Variants in GPR158 observed in about 807,000 individuals in gnomAD.
GPR158 encodes the protein G protein-coupled receptor 158, also known as metabotropic glycine receptor.
Under a neutral mutation model 78.2 loss-of-function variants are expected in GPR158, and 30 were observed. That is an observed-to-expected ratio of 0.38 (90% CI 0.29 to 0.52). The LOEUF is 0.52. GPR158 is among the 20% of genes least tolerant of loss of function. The probability of loss-of-function intolerance (pLI) is 0.83; values close to 1 mark genes in which losing one functional copy is unlikely to be tolerated. For missense variants in GPR158, 1,463 were observed against 1,523.5 expected (o/e 0.96, Z 0.66); for synonymous variants, 581 against 591.1 (o/e 0.98, Z 0.25).
intron 2 of GPR158, among the ~76,000 whole-genome samples, chr10:25,351,814 A>G (rs1167647571): frequency 6.6e-6 from 1 of 150,440 alleles, no homozygotes; most frequent in Non-Finnish European, 1.5e-5. Context: ...AATGTGTGCC[A>G]TGGTGGTTTG....
At chr10:25,550,720 T>C (rs1393244383) in intron 5 of GPR158, among the ~76,000 whole-genome samples, 1 of 152,168 alleles carries the variant, frequency 6.6e-6, no homozygotes, top group Non-Finnish European at 1.5e-5. Flanking sequence ...CATTTAACAT[T>C]AGGTATATCT....
At chr10:25,212,229 A>T (rs567753250) in intron 1 of GPR158, among the ~76,000 whole-genome samples, 5 of 152,322 alleles carry the variant, frequency 3.3e-5, no homozygotes, top group Admixed American at 6.5e-5. Context: ...TGCAGGCTGT[A>T]CAGGAAGCAT....
intron 2 of GPR158, among the ~76,000 whole-genome samples, chr10:25,367,989 G>A (rs1833917671): frequency 6.6e-6 from 1 of 151,818 alleles, no homozygotes; most frequent in Admixed American, 6.6e-5. Context: ...CCTGGATCAT[G>A]GAAACTTCAA....
At chr10:25,381,203 G>A (rs1352593832) in intron 2 of GPR158, among the ~76,000 whole-genome samples, 1 of 152,122 alleles carries the variant, frequency 6.6e-6, no homozygotes, top group Non-Finnish European at 1.5e-5. Context: ...GTCTCATTCT[G>A]CAGAAAAGTT....
chr10:25,359,781 A>G (rs1588823169), intron 2 of GPR158, among the ~76,000 whole-genome samples: 1 of 152,180 alleles, frequency 6.6e-6, no homozygotes, highest in East Asian at 1.9e-4. Context: ...ATACCCAGTA[A>G]TGGGATGGCT....
chr10:25,416,206 G>A (rs956391835), intron 4 of GPR158, among the ~76,000 whole-genome samples: 4 of 152,016 alleles, frequency 2.6e-5, no homozygotes, highest in African/African-American at 9.7e-5. Context: ...TCCCACATTG[G>A]GGGCCAAGTA....
At chr10:25,562,024 A>ATT (rs34320289) in intron 6 of GPR158, among the ~76,000 whole-genome samples, 3,478 of 140,756 alleles carry the variant, frequency 0.025, 139 homozygotes, top group South Asian at 0.17. Flanking sequence ...ATGCAGAAGA[A>ATT]TTTTTTTTTT....
chr10:25,274,877 T>C (rs918083569), intron 2 of GPR158, among the ~76,000 whole-genome samples: 1 of 152,192 alleles, frequency 6.6e-6, no homozygotes, highest in African/African-American at 2.4e-5. Context: ...ATTCTGACTT[T>C]TGTGTGTGCT....
intron 4 of GPR158, among the ~76,000 whole-genome samples, chr10:25,427,538 A>G (rs768942467): frequency 6.6e-6 from 1 of 152,108 alleles, no homozygotes; most frequent in Non-Finnish European, 1.5e-5. Context: ...ATATAGAAAC[A>G]CCACTGATGG....
intron 4 of GPR158, among the ~76,000 whole-genome samples, chr10:25,445,469 G>T (rs542561884): frequency 6.6e-6 from 1 of 152,140 alleles, no homozygotes; most frequent in Non-Finnish European, 1.5e-5. Flanking sequence ...TTGGACTTAT[G>T]TATAGCAGAC....
At chr10:25,545,098 G>T (rs1470816550) in intron 5 of GPR158, among the ~76,000 whole-genome samples, 1 of 152,136 alleles carries the variant, frequency 6.6e-6, no homozygotes, top group Admixed American at 6.5e-5. Flanking sequence ...TCTTTATCCA[G>T]TCTATCATTG....
At chr10:25,312,879 A>C (rs1478319796) in intron 2 of GPR158, among the ~76,000 whole-genome samples, 1 of 152,140 alleles carries the variant, frequency 6.6e-6, no homozygotes, top group African/African-American at 2.4e-5. Context: ...ATTAATGCTA[A>C]GACGCCAGCA....
intron 6 of GPR158, among the ~76,000 whole-genome samples, chr10:25,571,090 C>T (rs1228939632): frequency 6.6e-6 from 1 of 151,970 alleles, no homozygotes; most frequent in South Asian, 2.1e-4. Context: ...GAAGATATTA[C>T]CTGCCAGTGT....
At chr10:25,462,057 C>A (rs760163867) in intron 4 of GPR158, among the ~76,000 whole-genome samples, 2 of 151,972 alleles carry the variant, frequency 1.3e-5, no homozygotes, top group African/African-American at 4.8e-5. Context: ...TCATAGCTAG[C>A]GAGGAGAAGT....
At position 25,175,339 on chromosome 10, in the gene GPR158, C is replaced by A. The variant is rs1277596355; in HGVS notation, c.-82C>A. ...AAGGGGGAAGACTCCTCGAAAAAGT[C>A]TGACTGTTGAGAAACTGACGATCCA... On this transcript the variant is annotated 5_prime_UTR_variant, in exon 1 of 11. In the 5' UTR this introduces an upstream ATG that the reference lacks. Coordinates refer to ENST00000376351, the MANE Select transcript of GPR158 (RefSeq NM_020752.3). This position sits in a 1 kb window ranked among gnomAD's most constrained non-coding sequence, Gnocchi z 6.4. 7 of 813,490 alleles carry A rather than the reference C, an allele frequency of 8.6e-6. No individual in the cohort carries two copies. The highest frequency in any genetic ancestry group is 9.8e-6 in the Non-Finnish European group (5 of 510,886). The allele number at this position is 813,490 out of a possible 1,614,324, so 50.4% of individuals were successfully genotyped here.
At chr10:25,461,634 T>A (rs1252973020) in intron 4 of GPR158, among the ~76,000 whole-genome samples, 1 of 152,040 alleles carries the variant, frequency 6.6e-6, no homozygotes, top group African/African-American at 2.4e-5. Context: ...ACTCAGAAGA[T>A]CTAGCTAAGA....
chr10:25,221,526 TATTC>T (rs1254195156), intron 2 of GPR158, among the ~76,000 whole-genome samples: 1 of 152,174 alleles, frequency 6.6e-6, no homozygotes, highest in East Asian at 1.9e-4. Context: ...ATATTGGTGG[TATTC>T]ATTCAGACAC....
At chr10:25,486,987 A>T (rs1835744279) in intron 5 of GPR158, among the ~76,000 whole-genome samples, 1 of 152,182 alleles carries the variant, frequency 6.6e-6, no homozygotes, top group Non-Finnish European at 1.5e-5. Context: ...AAATAAAGTG[A>T]ATGTCTGCAC....
intron 2 of GPR158, among the ~76,000 whole-genome samples, chr10:25,243,187 TC>T (rs1460601382): frequency 2.0e-5 from 3 of 152,202 alleles, no homozygotes; most frequent in Non-Finnish European, 4.4e-5. Flanking sequence ...ATCATATCAA[TC>T]CCTTTTGCCA....
Sources: allele counts gnomAD v4.1 joint callset (sites outside exome capture counted in the v4.1 genomes callset), GRCh38; gene constraint gnomAD v4.1.1; non-coding constraint Gnocchi (gnomAD v3.1); transcripts MANE v1.5; gene names NCBI Gene and HGNC (gene_info 2026-07-23, HGNC 2026-07-21).